CDYL: variants seen among roughly 807,000 people sequenced by gnomAD.
CDYL encodes the protein chromodomain Y like, also known as chromodomain Y-like protein.
A neutral mutation model predicts 47.3 loss-of-function variants in CDYL; 8 were observed. That is an observed-to-expected ratio of 0.17 (90% CI 0.10 to 0.31). CDYL has a LOEUF of 0.31. Among genes scored for constraint, CDYL ranks in the 10% least tolerant of loss-of-function variants. The pLI, the probability that CDYL is intolerant of heterozygous loss-of-function variation, is 1.00. For synonymous variants in CDYL, 266 were observed against 265.0 expected (o/e 1.00, Z -0.04); for missense variants, 471 against 701.4 (o/e 0.67, Z 3.71).
rs1475656585 is a variant in CDYL, at chr6:4,891,981, C to T, written c.293C>T (p.Ala98Val). 6.2e-7 allele frequency: 1 copy of T among 1,614,236 alleles called. No homozygotes were observed. Among genetic ancestry groups the T allele is most frequent in the Non-Finnish European group, 8.5e-7 (1 of 1,180,050 alleles). The change falls in exon 2 of 7, where the codon GCA (alanine) becomes GTA (valine). Residue 98 changes from alanine (A) to valine (V), a missense_variant. Physicochemically the swap from Ala to Val is moderately conservative, Grantham distance 64. Transcript: ENST00000397588. ...AACTTTTCTAAGACCTCTCCTAAGG[C>T]ACTCGTGATTGGGAAAGACCACGAA... ...NSNFSKTSPKALVIGKDHESK... is the reference protein window; with the variant it reads ...NSNFSKTSPKVLVIGKDHESK...
At chr6:4,865,754 A>T (rs1761302680) in intron 1 of CDYL, among the ~76,000 whole-genome samples, 1 of 152,234 alleles carries the variant, frequency 6.6e-6, no homozygotes, top group South Asian at 2.1e-4. Context: ...CCATGAAGAT[A>T]AAGTGATTTT....
chr6:4,796,161 G>A (rs1387492230), intron 1 of CDYL, among the ~76,000 whole-genome samples: 1 of 152,224 alleles, frequency 6.6e-6, no homozygotes, highest in Non-Finnish European at 1.5e-5. Flanking sequence ...TCGAACTCGT[G>A]ACCTCATGTG....
At chr6:4,715,841 C>T (rs376610033) in exon 2 of CDYL, 25 of 1,614,040 alleles carry the variant, frequency 1.5e-5, no homozygotes, top group Middle Eastern at 1.6e-4. Flanking sequence ...ACTGGCAATA[C>T]GAGGGCCCAA....
chr6:4,719,889 G>A (rs902662198), intron 2 of CDYL, among the ~76,000 whole-genome samples: 4 of 152,136 alleles, frequency 2.6e-5, no homozygotes, highest in Admixed American at 6.5e-5. Flanking sequence ...ATCTGTGCCT[G>A]CAAAGAAAAC....
upstream of CDYL, chr6:4,774,705 GTC>G (rs1343400858): frequency 6.6e-6 from 1 of 152,412 alleles, no homozygotes; most frequent in Non-Finnish European, 1.5e-5. Context: ...TGAAGATGAA[GTC>G]TGACTGAAGG....
At chr6:4,863,130 T>C (rs924623656) in intron 1 of CDYL, among the ~76,000 whole-genome samples, 3 of 152,180 alleles carry the variant, frequency 2.0e-5, no homozygotes, top group Non-Finnish European at 4.4e-5. Context: ...TTTTCACTTA[T>C]AAGTGGGAAC....
At chr6:4,892,511 C>T (rs962751824) in intron 2 of CDYL, 132 bp downstream of exon 2, 33 of 946,120 alleles carry the variant, frequency 3.5e-5, no homozygotes, top group South Asian at 2.3e-4. Context: ...GCAGAGATTT[C>T]GCCTTCTCCT....
At chr6:4,862,729 G>C (rs962376602) in intron 1 of CDYL, among the ~76,000 whole-genome samples, 26 of 152,136 alleles carry the variant, frequency 1.7e-4, no homozygotes, top group Non-Finnish European at 3.7e-4. Context: ...CTCATTTATA[G>C]CTTCAAAGAG....
At chr6:4,897,573 T>C (rs1301333517) in intron 2 of CDYL, among the ~76,000 whole-genome samples, 1 of 152,118 alleles carries the variant, frequency 6.6e-6, no homozygotes, top group Non-Finnish European at 1.5e-5. Flanking sequence ...CTAGGGCCTT[T>C]TATGATTTAG....
At chr6:4,942,467 G>C (rs73352339) in intron 4 of CDYL, among the ~76,000 whole-genome samples, 2,035 of 152,262 alleles carry the variant, frequency 0.013, 48 homozygotes, top group African/African-American at 0.047. Context: ...CATCTAGATT[G>C]TTATTTTCAG....
At chr6:4,721,528 T>C (rs1481517601) in intron 2 of CDYL, among the ~76,000 whole-genome samples, 1 of 151,620 alleles carries the variant, frequency 6.6e-6, no homozygotes, top group Non-Finnish European at 1.5e-5. Flanking sequence ...GGATTACAGG[T>C]GTGTGCCACC....
intron 1 of CDYL, chr6:4,835,977 CTGT>C (rs1255903668): frequency 2.6e-5 from 4 of 152,688 alleles, no homozygotes; most frequent in African/African-American, 9.6e-5. Context: ...CAGGTGCCGT[CTGT>C]CACCCCTTTC....
At chr6:4,892,922 G>T (rs1365666257) in intron 2 of CDYL, among the ~76,000 whole-genome samples, 1 of 152,206 alleles carries the variant, frequency 6.6e-6, no homozygotes, top group Non-Finnish European at 1.5e-5. Context: ...AGCCCAGTCT[G>T]CCTGGCACCG....
chr6:4,941,541 CG>C (rs964700625), intron 4 of CDYL, among the ~76,000 whole-genome samples: 3 of 152,148 alleles, frequency 2.0e-5, no homozygotes, highest in Admixed American at 2.0e-4. Context: ...ATTCATACCC[CG>C]TCCAGAAAGA....
At chr6:4,832,572 A>G (rs1760178281) in intron 1 of CDYL, among the ~76,000 whole-genome samples, 1 of 151,194 alleles carries the variant, frequency 6.6e-6, no homozygotes, top group South Asian at 2.1e-4. Context: ...CTTTGGTATC[A>G]GAATGATGCT....
chr6:4,717,410 G>C (rs1324386267), intron 2 of CDYL, among the ~76,000 whole-genome samples: 1 of 152,026 alleles, frequency 6.6e-6, no homozygotes, highest in African/African-American at 2.4e-5. Context: ...TTGCATTTCA[G>C]TTTTTAAAAC....
intron 2 of CDYL, among the ~76,000 whole-genome samples, chr6:4,926,800 C>T (rs76858358): frequency 0.011 from 1,488 of 140,652 alleles, 20 homozygotes; most frequent in African/African-American, 0.034. Flanking sequence ...TGTCCACATA[C>T]CCCTTCTGTT....
chr6:4,945,270 T>C (rs1385870685), intron 5 of CDYL, among the ~76,000 whole-genome samples: 1 of 152,158 alleles, frequency 6.6e-6, no homozygotes, highest in Non-Finnish European at 1.5e-5. Flanking sequence ...TGCCTGAAGG[T>C]TTATGGGAAC....
chr6:4,735,146 C>A (rs140459371), intron 3 of CDYL, among the ~76,000 whole-genome samples: 1,569 of 151,900 alleles, frequency 0.01, 26 homozygotes, highest in African/African-American at 0.036. Flanking sequence ...ATTTGCTGGG[C>A]GTGGTGGCGC....
Sources: gnomAD v4.1 joint callset for allele counts (sites outside exome capture counted in the v4.1 genomes callset) on GRCh38, gnomAD v4.1.1 for gene constraint, MANE v1.5 for transcripts, NCBI Gene and HGNC (gene_info 2026-07-23, HGNC 2026-07-21) for gene names.